The following SPG11 variants were observed in gnomAD, a reference collection of about 807,000 sequenced individuals.
The protein encoded by SPG11 is SPG11 vesicle trafficking associated, spatacsin.
In SPG11, 222 loss-of-function variants were observed where a neutral mutation model predicts 274.0. The ratio of observed to expected loss-of-function variants is 0.81; its 90% CI spans 0.73 to 0.91. The LOEUF (loss-of-function observed/expected upper bound fraction) is 0.91. Ranked by LOEUF, SPG11 falls within the 40% of genes least tolerant of loss-of-function variation. The pLI is 0.00. For missense variants in SPG11, 3,114 were observed against 2,872.7 expected (o/e 1.08, Z -1.92); for synonymous variants, 1,144 against 1,039.7 (o/e 1.10, Z -1.93).
intron 7 of SPG11, among the ~76,000 whole-genome samples, chr15:44,647,601 T>C (rs893334062): frequency 1.3e-5 from 2 of 152,330 alleles, no homozygotes; most frequent in Middle Eastern, 3.4e-3. Flanking sequence ...AATGAAGTTG[T>C]AGTGACATGC....
intron 4 of SPG11, among the ~76,000 whole-genome samples, chr15:44,654,083 A>G (rs1407663066): frequency 2.6e-5 from 4 of 152,196 alleles, no homozygotes; most frequent in Non-Finnish European, 4.4e-5. Flanking sequence ...CCTCCGGAGT[A>G]GCTGAGACCA....
Position 44,596,776 on chromosome 15 carries a change from T to C in SPG11, c.4161+8A>G, listed in dbSNP as rs757993224. 5 of 1,604,168 alleles carry C rather than the reference T, an allele frequency of 3.1e-6. No homozygotes were observed. Among genetic ancestry groups the C allele is most frequent in the Non-Finnish European group, 4.3e-6 (5 of 1,174,418 alleles). On this transcript the variant is annotated splice_region_variant and intron_variant, in intron 24 of 39. Coordinates refer to ENST00000261866, the MANE Select transcript of SPG11 (RefSeq NM_025137.4). ...CTTTTGAGTGACTGCTAACAATTAG[T>C]GGCTTACCTCTGCTGGGTGGTAGTT...
rs1595927399 is a variant in SPG11 at position 44,651,745 on chromosome 15, T to G, written c.1202A>C (p.Lys401Thr). 1.9e-6 allele frequency: 3 copies of G among 1,614,248 alleles called. 1 individual carries two copies. The East Asian group carries it at 6.7e-5, about 36-fold the overall frequency. The change falls in exon 6 of 40, where the codon AAA becomes ACA. Residue 401 changes from lysine (K) to threonine (T), a missense_variant. By Grantham distance (78) the Lys-to-Thr change is moderately conservative (BLOSUM62 -1). Transcript: ENST00000261866. ...IMHGQYNVLQ[K>T]DHAKTSDPGR... ...TGGATCACTGGTCTTGGCATGATCT[T>G]TCTGTAGAACATTATATTGCCCATG...
intron 30 of SPG11, among the ~76,000 whole-genome samples, chr15:44,576,983 C>A (rs1004232589): frequency 6.6e-6 from 1 of 151,806 alleles, no homozygotes; most frequent in African/African-American, 2.4e-5. Flanking sequence ...TGCACCACCA[C>A]GCCCAGCTAA....
At chr15:44,621,656 C>T in intron 14 of SPG11, 103 bp downstream of exon 14, 1 of 1,137,936 alleles carries the variant, frequency 8.8e-7, no homozygotes. Context: ...ATATTATTTC[C>T]CGAAAGGAAT....
At chr15:44,634,452 T>C (rs1473503570) in intron 7 of SPG11, among the ~76,000 whole-genome samples, 1 of 151,610 alleles carries the variant, frequency 6.6e-6, no homozygotes, top group East Asian at 1.9e-4. Context: ...TTTTTTTTTT[T>C]TTTTTGTATT....
intron 18 of SPG11, 58 bp from the exon 19 acceptor site, chr15:44,608,663 C>G (rs1034783044): frequency 6.5e-7 from 1 of 1,545,048 alleles, no homozygotes; most frequent in African/African-American, 1.4e-5. Context: ...CTCAAAGTTT[C>G]TTTTTTTCAC....
intron 24 of SPG11, 109 bp from the exon 25 acceptor site, chr15:44,596,464 A>T: frequency 5.7e-6 from 7 of 1,220,612 alleles, no homozygotes; most frequent in South Asian, 1.3e-5. Flanking sequence ...ACCCTGAACT[A>T]AGTCAGAGTG....
rs566318835 is a variant in SPG11, at chr15:44,622,343, T to C, written c.2321A>G (p.Glu774Gly). Residue 774 changes from glutamate to glycine, a missense_variant, in exon 13 of 40, where the codon GAA becomes GGA. By Grantham distance (98) the Glu-to-Gly change is moderately conservative (BLOSUM62 -2). Coordinates refer to ENST00000261866, the MANE Select transcript of SPG11 (RefSeq NM_025137.4). ...TNKNIRDFLV[E>G]ILKEKNYFSE... The stretch of plus-strand genomic sequence containing the variant: ...AAAATAATTTTTTTCTTTTAAAATT[T>C]CAACCTTGAATAAAAAGTAATTAAA... 1 of 1,552,262 alleles carries C rather than the reference T, an allele frequency of 6.4e-7. No homozygotes were observed. Among genetic ancestry groups the C allele is most frequent in the African/African-American group, 1.4e-5 (1 of 72,766 alleles).
intron 7 of SPG11, among the ~76,000 whole-genome samples, chr15:44,636,925 C>CAAAAAAAAAAAAACAAAAAAA (rs2084275682): frequency 9.8e-4 from 19 of 19,454 alleles, no homozygotes; most frequent in East Asian, 8.1e-3. Context: ...GACTCCATCT[C>CAAAAAAAAAAAAACAAAAAAA]AAAAAAAAAA....
rs765606242 is a variant in SPG11 at position 44,577,519 on chromosome 15, AC to A, written c.5867-2479del. Reference sequence around the variant, plus strand: ...CCCTATCTCAAAAAAAAAAAAAAAAACAAAACAAAAACTCTTAAAGATAAAA... The same window carrying A: ...CCCTATCTCAAAAAAAAAAAAAAAAAAAAACAAAAACTCTTAAAGATAAAA... On this transcript the variant is annotated intron_variant, in intron 30 of 39. Coordinates refer to ENST00000261866, the MANE Select transcript of SPG11 (RefSeq NM_025137.4). 2.6e-4 allele frequency among the ~76,000 whole-genome samples: 39 copies of A among 150,522 alleles called. No homozygotes were observed. In the East Asian group the frequency reaches 4.9e-3, roughly 19 times the overall value.
intron 4 of SPG11, among the ~76,000 whole-genome samples, chr15:44,654,304 G>A (rs1027498546): frequency 1.3e-5 from 2 of 151,978 alleles, no homozygotes; most frequent in Admixed American, 1.3e-4. Context: ...GAGGTCAGGC[G>A]TTCAAGACCA....
intron 36 of SPG11, 153 bp downstream of exon 36, chr15:44,567,271 A>T (rs1177870008): frequency 2.8e-6 from 2 of 726,300 alleles, no homozygotes; most frequent in African/African-American, 3.6e-5. Context: ...GAATCACTTG[A>T]ACCTGGGAGG....
chr15:44,639,419 G>A (rs2084376576), intron 7 of SPG11, among the ~76,000 whole-genome samples: 2 of 152,114 alleles, frequency 1.3e-5, no homozygotes, highest in Admixed American at 6.5e-5. Context: ...GAAAAAAGGT[G>A]GTAGCTAGGC....
In SPG11 at chr15:44,629,353, A is replaced by G; in HGVS notation, c.1771T>C (p.Cys591Arg). ...EELIPALDLLCSAIRESYSEP... is the reference protein window; with the variant it reads ...EELIPALDLLRSAIRESYSEP... ...GAATAACTTTCTCTAATTGCCGAGC[A>G]AAGTAAATCCAATGCTGGTATCAGC... Residue 591 changes from cysteine (C) to arginine (R), a missense_variant, in exon 9 of 40, where the codon TGC becomes CGC. Cys to Arg is a radical substitution (Grantham distance 180, BLOSUM62 -3). Coordinates refer to ENST00000261866, the MANE Select transcript of SPG11 (RefSeq NM_025137.4). The G allele has an allele frequency of 6.2e-7, 1 of 1,614,218 alleles. No individual in the cohort carries two copies. The highest frequency in any genetic ancestry group is 8.5e-7 in the Non-Finnish European group (1 of 1,180,040).
At chr15:44,645,256 G>A (rs2084571585) in intron 7 of SPG11, among the ~76,000 whole-genome samples, 1 of 152,082 alleles carries the variant, frequency 6.6e-6, no homozygotes, top group Non-Finnish European at 1.5e-5. Flanking sequence ...GCATAGTACT[G>A]GTACAAAAGC....
chr15:44,656,386 G>A (rs962726744), intron 4 of SPG11, among the ~76,000 whole-genome samples: 1 of 152,206 alleles, frequency 6.6e-6, no homozygotes, highest in Non-Finnish European at 1.5e-5. Flanking sequence ...GCTATCACAG[G>A]GCAGGAGCAA....
rs2084968609 is a variant in SPG11 at position 44,657,271 on chromosome 15, T to G, written c.693A>C (p.Thr231=). The change falls in exon 4 of 40, where the codon ACA becomes ACC. Residue 231 remains threonine (T), a synonymous_variant. Transcript: ENST00000261866. The part of the protein sequence containing the change: ...WIYIFDVVDG[T]YVAHVDLALH... Reference sequence around the variant, plus strand: ...GTGCTAAATCCACATGAGCTACATATGTACCATCCACAACATCAAAAATGT... The same window carrying G: ...GTGCTAAATCCACATGAGCTACATAGGTACCATCCACAACATCAAAAATGT... 6.2e-7 allele frequency: 1 copy of G among 1,614,106 alleles called. No homozygotes were observed.
rs1488483493 is a variant in SPG11 at position 44,644,231 on chromosome 15, C to T, written c.1602+4635G>A. 5.9e-5 allele frequency among the ~76,000 whole-genome samples: 9 copies of T among 151,590 alleles called. No individual in the cohort carries two copies. The East Asian group carries it at 1.4e-3, about 23-fold the overall frequency. On this transcript the variant is annotated intron_variant, in intron 7 of 39. Coordinates refer to ENST00000261866, the MANE Select transcript of SPG11 (RefSeq NM_025137.4). ...CTGAATCCAGCAATACATCAAAAAG[C>T]GAATCCAACAGAATCAAGTAGGCTT... is the stretch of plus-strand genomic sequence containing the variant.
Sources: gnomAD v4.1 joint callset for allele counts (sites outside exome capture counted in the v4.1 genomes callset) on GRCh38, gnomAD v4.1.1 for gene constraint, MANE v1.5 for transcripts, NCBI Gene and HGNC (gene_info 2026-07-23, HGNC 2026-07-21) for gene names.